Variants in PGAP3 observed in about 807,000 individuals in gnomAD.
PGAP3 encodes GPI-specific phospholipase A2-like PGAP3.
Under a neutral mutation model 40.3 loss-of-function variants are expected in PGAP3, and 31 were observed. The observed-to-expected ratio is 0.77, with a 90% confidence interval of 0.58 to 1.04. PGAP3 has a LOEUF of 1.04. Among genes scored for constraint, PGAP3 ranks in the 50% least tolerant of loss-of-function variants. PGAP3 has a pLI of 0.00. For synonymous variants in PGAP3, 191 were observed against 184.5 expected, an observed-to-expected ratio of 1.04 and a Z score of -0.29; for missense variants, 413 against 423.0, an observed-to-expected ratio of 0.98 and a Z score of 0.21.
At chr17:39,679,928 C>T (rs1163515952) in intron 3 of PGAP3, among the ~76,000 whole-genome samples, 3 of 152,190 alleles carry the variant, frequency 2.0e-5, no homozygotes, top group African/African-American at 7.2e-5. Flanking sequence ...ACCTCTCCTC[C>T]TCCCCGGGCT....
At chr17:39,673,375 C>G in intron 6 of PGAP3, 120 bp from the exon 7 acceptor site, 1 of 1,547,338 alleles carries the variant, frequency 6.5e-7, no homozygotes, top group Non-Finnish European at 8.8e-7. Flanking sequence ...AGCCTCCTCT[C>G]TCTCCCACCT....
chr17:39,684,443 T>C (rs1332106989), intron 3 of PGAP3, among the ~76,000 whole-genome samples, 154 bp downstream of exon 3: 2 of 152,178 alleles, frequency 1.3e-5, no homozygotes, highest in African/African-American at 2.4e-5. Flanking sequence ...CTCCCTGTTT[T>C]CTCCCCAGGC....
chr17:39,674,481 G>A, intron 4 of PGAP3, 136 bp downstream of exon 4: 2 of 928,060 alleles, frequency 2.2e-6, no homozygotes, highest in South Asian at 3.6e-5. Context: ...GGCACCAACA[G>A]GTTTAGGATG....
At chr17:39,673,483 T>C in intron 6 of PGAP3, 31 bp downstream of exon 6, 1 of 1,613,710 alleles carries the variant, frequency 6.2e-7, no homozygotes, top group East Asian at 2.2e-5. Context: ...CTAGCACTTC[T>C]GCAGATGGCC....
intron 3 of PGAP3, among the ~76,000 whole-genome samples, chr17:39,678,458 C>T (rs990648208): frequency 7.9e-5 from 12 of 152,218 alleles, no homozygotes; most frequent in Non-Finnish European, 1.3e-4. Flanking sequence ...GCTCCCCACC[C>T]GCCGCCTGGC....
Position 39,672,476 on chromosome 17 carries a change from T to G in PGAP3, c.*327A>C. 6 of 395,614 alleles carry G rather than the reference T, an allele frequency of 1.5e-5. No homozygotes were observed. Among genetic ancestry groups the G allele is most frequent in the Non-Finnish European group, 2.8e-5 (6 of 213,164 alleles). 24.5% of individuals were successfully genotyped at this position (395,614 alleles called of 1,614,324 possible). On this transcript the variant is annotated 3_prime_UTR_variant, in exon 8 of 8. Coordinates refer to ENST00000300658, the MANE Select transcript of PGAP3 (RefSeq NM_033419.5). ...CAGGACCCAGCCAGGCAGCTGGGGA[T>G]GTGGGGAGGAGGCTGATGGGGAGGA...
chr17:39,686,256 T>G (rs2057517274), intron 1 of PGAP3, among the ~76,000 whole-genome samples: 1 of 152,014 alleles, frequency 6.6e-6, no homozygotes, highest in African/African-American at 2.4e-5. Context: ...GATATTCGTC[T>G]TTTTTTTGTT....
chr17:39,684,235 C>T (rs1256435177), intron 3 of PGAP3, among the ~76,000 whole-genome samples: 2 of 151,938 alleles, frequency 1.3e-5, no homozygotes, highest in African/African-American at 4.8e-5. Flanking sequence ...TCCAAGTCCT[C>T]CAGAAGGGCC....
chr17:39,685,844 G>T, intron 2 of PGAP3, 78 bp downstream of exon 2: 1 of 1,343,916 alleles, frequency 7.4e-7, no homozygotes, highest in South Asian at 1.2e-5. Flanking sequence ...CAGACTGCTT[G>T]GACAGTGTGG....
chr17:39,672,978 C>T, intron 7 of PGAP3, 73 bp downstream of exon 7: 2 of 1,576,762 alleles, frequency 1.3e-6, no homozygotes, highest in South Asian at 1.1e-5. Context: ...CACACAGAGC[C>T]CCCAATCTCC....
intron 3 of PGAP3, among the ~76,000 whole-genome samples, chr17:39,681,280 G>A (rs2057436921): frequency 6.6e-6 from 1 of 152,048 alleles, no homozygotes; most frequent in Non-Finnish European, 1.5e-5. Context: ...TGTGGACTCT[G>A]GAGCCAGATG....
chr17:39,673,909 A>G, intron 5 of PGAP3, 84 bp downstream of exon 5: 1 of 1,492,470 alleles, frequency 6.7e-7, no homozygotes, highest in African/African-American at 1.4e-5. Context: ...AGACTAGTGA[A>G]GAAGGCCCCC....
chr17:39,686,925 A>G (rs1336097750), intron 1 of PGAP3, among the ~76,000 whole-genome samples: 1 of 152,122 alleles, frequency 6.6e-6, no homozygotes, highest in Non-Finnish European at 1.5e-5. Context: ...TCCTGGAAGG[A>G]GTTCTTGCTA....
At chr17:39,686,111 G>A (rs1217715090) in intron 1 of PGAP3, 92 bp from the exon 2 acceptor site, 1 of 1,082,382 alleles carries the variant, frequency 9.2e-7, no homozygotes, top group Non-Finnish European at 1.4e-6. Flanking sequence ...TAGGCCAAGA[G>A]GGCCTGTAAG....
chr17:39,672,799 G>A lies in PGAP3; in HGVS notation c.*4C>T. ...CCCACTGGGGCAGACTCGCTCCAAG[G>A]TCTTCAGTCCAGCTTGAACTTGTCC... On this transcript the variant is annotated 3_prime_UTR_variant, in exon 8 of 8. Coordinates refer to ENST00000300658, the MANE Select transcript of PGAP3 (RefSeq NM_033419.5). The A allele has an allele frequency of 6.2e-7, 1 of 1,614,042 alleles. No individual in the cohort carries two copies. Among genetic ancestry groups the A allele is most frequent in the Non-Finnish European group, 8.5e-7 (1 of 1,179,906 alleles).
intron 2 of PGAP3, among the ~76,000 whole-genome samples, chr17:39,685,496 A>AAAAAAAAC (rs1555610405): frequency 2.6e-5 from 4 of 151,562 alleles, no homozygotes; most frequent in Non-Finnish European, 4.4e-5. Flanking sequence ...CATCTCAAAA[A>AAAAAAAAC]AAAAAACAAA....
chr17:39,686,519 G>A lies in PGAP3; in HGVS notation c.182-500C>T, dbSNP rs928754958. On this transcript the variant is annotated intron_variant, in intron 1 of 7. Coordinates refer to ENST00000300658, the MANE Select transcript of PGAP3 (RefSeq NM_033419.5). The stretch of plus-strand genomic sequence containing the variant: ...TATCTGCCTGCCTCTGCCACCTAAA[G>A]TGCGGGGATTGCAGGCACGAGCCAC... Among the ~76,000 whole-genome samples, 5 of 148,624 alleles carry A rather than the reference G, an allele frequency of 3.4e-5. No individual in the cohort carries two copies. The South Asian group carries it at 1.1e-3, about 31-fold the overall frequency.
At position 39,672,463 on chromosome 17, in the gene PGAP3, AG is replaced by A. The variant is rs926090133; in HGVS notation, c.*339del. Reference sequence around the variant, plus strand: ...AGACAGAGGGCTTCAGGACCCAGCCAGGCAGCTGGGGATGTGGGGAGGAGGC... The same window carrying A: ...AGACAGAGGGCTTCAGGACCCAGCCAGCAGCTGGGGATGTGGGGAGGAGGC... On this transcript the variant is annotated 3_prime_UTR_variant, in exon 8 of 8. Transcript: ENST00000300658. 1.6e-5 allele frequency: 6 copies of A among 383,200 alleles called. No individual in the cohort carries two copies. Among genetic ancestry groups the A allele is most frequent in the South Asian group, 1.4e-4 (5 of 35,598 alleles). 23.7% of individuals were successfully genotyped at this position (383,200 alleles called of 1,614,324 possible). A position where few individuals can be genotyped will look rare whatever the true frequency, so the allele number is the denominator to read the frequency against.
chr17:39,680,709 C>T (rs1288386625), intron 3 of PGAP3, among the ~76,000 whole-genome samples: 2 of 152,220 alleles, frequency 1.3e-5, no homozygotes, highest in Non-Finnish European at 2.9e-5. Flanking sequence ...ACCTGCCCCT[C>T]CGGCTACTCC....
Sources: allele counts gnomAD v4.1 joint callset (sites outside exome capture counted in the v4.1 genomes callset), GRCh38; gene constraint gnomAD v4.1.1; transcripts MANE v1.5; gene names NCBI Gene and HGNC (gene_info 2026-07-23, HGNC 2026-07-21).